The following ANKS1B variants were observed in gnomAD, a reference collection of about 807,000 sequenced individuals.
ANKS1B encodes the protein ankyrin repeat and sterile alpha motif domain containing 1B.
Under a neutral mutation model 148.3 loss-of-function variants are expected in ANKS1B, and 36 were observed. The observed-to-expected ratio is 0.24, with a 90% CI of 0.19 to 0.32. The LOEUF (loss-of-function observed/expected upper bound fraction) is 0.32, where lower values mean the gene tolerates loss of function less well. Among genes scored for constraint, ANKS1B ranks in the 10% least tolerant of loss-of-function variants. The pLI, the probability that ANKS1B is intolerant of heterozygous loss-of-function variation, is 1.00. For synonymous variants in ANKS1B, 542 were observed against 560.8 expected (o/e 0.97, Z 0.47); for missense variants, 1,157 against 1,542.6 (o/e 0.75, Z 4.19).
intron 1 of ANKS1B, among the ~76,000 whole-genome samples, chr12:99,959,486 A>T (rs1475799413): frequency 1.3e-5 from 2 of 152,178 alleles, no homozygotes; most frequent in African/African-American, 4.8e-5. Flanking sequence ...CATATATATT[A>T]AAATCTAACA....
chr12:99,060,195 A>T (rs921917691), intron 16 of ANKS1B, among the ~76,000 whole-genome samples: 2 of 87,576 alleles, frequency 2.3e-5, no homozygotes, highest in African/African-American at 8.0e-5. Context: ...AGATATATTA[A>T]CATATTTTTT....
intron 8 of ANKS1B, among the ~76,000 whole-genome samples, chr12:99,763,662 G>T (rs1464163086): frequency 6.7e-6 from 1 of 149,460 alleles, no homozygotes; most frequent in Non-Finnish European, 1.5e-5. Flanking sequence ...TAAAATAAAA[G>T]CTGGAAAAAA....
At chr12:99,277,434 A>AT (rs1019898401) in intron 12 of ANKS1B, among the ~76,000 whole-genome samples, 4 of 152,202 alleles carry the variant, frequency 2.6e-5, no homozygotes, top group Admixed American at 6.5e-5. Context: ...GGAAATATTG[A>AT]TTTTACCAGC....
chr12:98,928,027 T>G (rs1325440061), intron 17 of ANKS1B, among the ~76,000 whole-genome samples: 4 of 149,912 alleles, frequency 2.7e-5, no homozygotes, highest in South Asian at 4.3e-4. Context: ...AAAGTTAAAT[T>G]AACAAATCTT....
At chr12:98,971,597 T>C (rs368532864) in intron 17 of ANKS1B, among the ~76,000 whole-genome samples, 1 of 152,204 alleles carries the variant, frequency 6.6e-6, no homozygotes, top group South Asian at 2.1e-4. Flanking sequence ...ATGGTACGGA[T>C]AACTAGACTC....
chr12:99,559,477 T>C (rs2153192792), intron 9 of ANKS1B, among the ~76,000 whole-genome samples: 1 of 152,290 alleles, frequency 6.6e-6, no homozygotes, highest in South Asian at 2.1e-4. Flanking sequence ...AATTAACAAA[T>C]AATTTGTTAA....
rs558768395 is a variant in ANKS1B, at chr12:99,468,461, C to T, written c.1439-24652G>A. On this transcript the variant is annotated intron_variant, in intron 10 of 26. Coordinates refer to ENST00000683438, the MANE Select transcript of ANKS1B (RefSeq NM_001352186.2). ...AATGGGATCTAATTAAACTAAAGAGCTTCTGCACAGCAAAAGAAACTACCA... is the reference window on the plus strand; with the variant it reads ...AATGGGATCTAATTAAACTAAAGAGTTTCTGCACAGCAAAAGAAACTACCA... Among the ~76,000 whole-genome samples, 1,338 of 152,230 alleles carry T rather than the reference C, an allele frequency of 8.8e-3. 16 individuals are homozygous for T. Among genetic ancestry groups the T allele is most frequent in the African/African-American group, 0.031 (1,271 of 41,536 alleles).
intron 9 of ANKS1B, among the ~76,000 whole-genome samples, chr12:99,637,678 C>T (rs1411206348): frequency 6.6e-6 from 1 of 151,978 alleles, no homozygotes; most frequent in Non-Finnish European, 1.5e-5. Context: ...AAACATCAGA[C>T]TTCAAGTTCT....
At chr12:99,408,733 C>T (rs1456464186) in intron 11 of ANKS1B, among the ~76,000 whole-genome samples, 1 of 145,682 alleles carries the variant, frequency 6.9e-6, no homozygotes, top group Non-Finnish European at 1.5e-5. Flanking sequence ...AAATGGCGAA[C>T]CGATATGAGA....
At chr12:99,269,299 G>A (rs1273183419) in intron 12 of ANKS1B, among the ~76,000 whole-genome samples, 1 of 151,984 alleles carries the variant, frequency 6.6e-6, no homozygotes, top group Non-Finnish European at 1.5e-5. Flanking sequence ...CATTTATTTA[G>A]AGAAAATTAT....
chr12:99,521,031 G>A (rs1195930041), intron 9 of ANKS1B, among the ~76,000 whole-genome samples: 1 of 152,198 alleles, frequency 6.6e-6, no homozygotes, highest in African/African-American at 2.4e-5. Context: ...CCAACCTCAG[G>A]TGATCTGCCT....
At chr12:99,541,223 T>G (rs2097122861) in intron 9 of ANKS1B, among the ~76,000 whole-genome samples, 1 of 152,064 alleles carries the variant, frequency 6.6e-6, no homozygotes, top group African/African-American at 2.4e-5. Flanking sequence ...CACAAATGCT[T>G]CTTTAAAAAA....
intron 14 of ANKS1B, among the ~76,000 whole-genome samples, chr12:99,197,665 C>T (rs1349413797): frequency 1.3e-5 from 2 of 152,122 alleles, no homozygotes; most frequent in African/African-American, 4.8e-5. Flanking sequence ...ACTCCATCCA[C>T]CATTGCTGGC....
At chr12:99,225,463 G>A (rs1259750034) in intron 14 of ANKS1B, among the ~76,000 whole-genome samples, 1 of 152,162 alleles carries the variant, frequency 6.6e-6, no homozygotes, top group Non-Finnish European at 1.5e-5. Flanking sequence ...ACTGAAGGAT[G>A]CAAAGTATTG....
At chr12:99,153,635 A>G (rs921692983) in intron 15 of ANKS1B, among the ~76,000 whole-genome samples, 2 of 152,186 alleles carry the variant, frequency 1.3e-5, no homozygotes, top group African/African-American at 4.8e-5. Context: ...ACATGACTAT[A>G]CTTACTCCAC....
chr12:99,409,499 C>T (rs565270086), intron 11 of ANKS1B, among the ~76,000 whole-genome samples: 5 of 151,682 alleles, frequency 3.3e-5, no homozygotes, highest in South Asian at 2.1e-4. Flanking sequence ...TAACTAAAAC[C>T]GTATAACTGA....
chr12:99,783,926 T>C (rs1006732936), intron 4 of ANKS1B, among the ~76,000 whole-genome samples: 3 of 152,168 alleles, frequency 2.0e-5, no homozygotes, highest in Non-Finnish European at 4.4e-5. Flanking sequence ...GTGATAGATA[T>C]GCTAATTACC....
rs74513059 is a variant in ANKS1B, at chr12:99,787,462, G to C, written c.670-5365C>G. ...CTTTCCTTTATAAATTACAACCTCAGGTATGTCTTTATTAGGAGACATACT... is the reference window on the plus strand; with the variant it reads ...CTTTCCTTTATAAATTACAACCTCACGTATGTCTTTATTAGGAGACATACT... On this transcript the variant is annotated intron_variant, in intron 4 of 26. Coordinates refer to ENST00000683438, the MANE Select transcript of ANKS1B (RefSeq NM_001352186.2). Among the ~76,000 whole-genome samples the C allele has an allele frequency of 1.5e-4, 23 of 152,154 alleles. No individual in the cohort carries two copies. The East Asian group carries it at 4.4e-3, about 29-fold the overall frequency.
intron 1 of ANKS1B, among the ~76,000 whole-genome samples, chr12:99,878,882 G>C (rs1314701355): frequency 6.6e-6 from 1 of 152,070 alleles, no homozygotes; most frequent in East Asian, 1.9e-4. Context: ...TGAGGGTACT[G>C]ATTATAATTC....
Sources: allele counts gnomAD v4.1 joint callset (sites outside exome capture counted in the v4.1 genomes callset), GRCh38; gene constraint gnomAD v4.1.1; transcripts MANE v1.5; gene names NCBI Gene and HGNC (gene_info 2026-07-23, HGNC 2026-07-21).